The following EVL variants were observed in gnomAD, a reference collection of about 807,000 sequenced individuals.
EVL encodes Enah/Vasp-like.
In EVL, 21 loss-of-function variants were observed where a neutral mutation model predicts 59.6. That is an observed-to-expected ratio of 0.35 (90% confidence interval 0.25 to 0.51). The LOEUF (loss-of-function observed/expected upper bound fraction) is 0.51. EVL is among the 20% of genes least tolerant of loss of function. The pLI is 0.97. For missense variants in EVL, 462 were observed against 546.6 expected, an observed-to-expected ratio of 0.85 and a Z score of 1.54; for synonymous variants, 198 against 203.5, an observed-to-expected ratio of 0.97 and a Z score of 0.23.
chr14:99,990,888 T>C (rs1209779682), intron 1 of EVL, among the ~76,000 whole-genome samples: 1 of 152,134 alleles, frequency 6.6e-6, no homozygotes, highest in African/African-American at 2.4e-5. Context: ...GTTCTGGATA[T>C]ATATATAGAG....
At chr14:100,080,358 C>T (rs1008201425) in intron 1 of EVL, among the ~76,000 whole-genome samples, 21 of 152,176 alleles carry the variant, frequency 1.4e-4, no homozygotes, top group Non-Finnish European at 2.9e-4. Flanking sequence ...GCTGAAGCAG[C>T]GACAGGACAA....
At chr14:100,081,976 T>G (rs1204879117) in intron 1 of EVL, among the ~76,000 whole-genome samples, 1 of 152,176 alleles carries the variant, frequency 6.6e-6, no homozygotes, top group Non-Finnish European at 1.5e-5. Flanking sequence ...TTTAAAAGAT[T>G]AGCCAGGCGT....
intron 1 of EVL, among the ~76,000 whole-genome samples, chr14:100,013,019 A>C (rs2061026452): frequency 2.0e-5 from 3 of 152,202 alleles, no homozygotes; most frequent in African/African-American, 7.2e-5. Flanking sequence ...GTTATTACTT[A>C]GATTGTGTGT....
chr14:100,050,357 A>T (rs56067711), intron 1 of EVL, among the ~76,000 whole-genome samples: 860 of 37,840 alleles, frequency 0.023, 8 homozygotes, highest in African/African-American at 0.046. Flanking sequence ...TTATTTATTT[A>T]TTTATTTTTT....
rs374127022 is a variant in EVL at position 99,981,589 on chromosome 14, A to G, written c.5+9532A>G. The stretch of plus-strand genomic sequence containing the variant: ...TGCAGTAGACTTACCCTGGAGATAC[A>G]GTGGGTGCACAATAAAGCAGTAAAG... On this transcript the variant is annotated intron_variant, in intron 1 of 13. Coordinates refer to the EVL transcript ENST00000402714. Among the ~76,000 whole-genome samples the G allele has an allele frequency of 1.4e-4, 22 of 152,304 alleles. No homozygotes were observed. The East Asian group carries it at 3.9e-3, about 27-fold the overall frequency.
In EVL at chr14:100,059,042, A is replaced by C. The variant is rs772988293; in HGVS notation, c.6-25645A>C. ...TTAGGCTAGCATCTTCAGAAAATGA[A>C]AAAGAATACCCTTTGGTAGTTTAAT... On this transcript the variant is annotated intron_variant, in intron 1 of 13. Coordinates refer to the EVL transcript ENST00000402714. 2.6e-4 allele frequency among the ~76,000 whole-genome samples: 40 copies of C among 152,230 alleles called. 1 individual carries two copies. Among genetic ancestry groups the C allele is most frequent in the Admixed American group, 6.5e-5 (1 of 15,286 alleles).
At chr14:100,049,302 A>G (rs1482901478) in intron 1 of EVL, among the ~76,000 whole-genome samples, 1 of 152,240 alleles carries the variant, frequency 6.6e-6, no homozygotes, top group Admixed American at 6.5e-5. Flanking sequence ...GGTCAAGTTC[A>G]TAGGCTTGCC....
At chr14:100,060,456 A>G (rs2061807642), upstream of EVL, among the ~76,000 whole-genome samples, 1 of 151,560 alleles carries the variant, frequency 6.6e-6, no homozygotes, top group Admixed American at 6.6e-5. Context: ...AAACTTGCCC[A>G]GTGAAAATTC....
intron 1 of EVL, among the ~76,000 whole-genome samples, chr14:100,011,057 T>G (rs919749710): frequency 4.6e-5 from 7 of 152,236 alleles, no homozygotes; most frequent in African/African-American, 1.4e-4. Context: ...TTGAAGATTT[T>G]TATAAAGAAC....
intron 1 of EVL, among the ~76,000 whole-genome samples, chr14:100,055,993 G>C (rs1308066485): frequency 6.6e-6 from 1 of 151,868 alleles, no homozygotes; most frequent in Non-Finnish European, 1.5e-5. Flanking sequence ...TGTATTTTTA[G>C]TAGAGACAAG....
chr14:100,035,476 CTAATT>C (rs1479243723), intron 1 of EVL, among the ~76,000 whole-genome samples: 1 of 151,098 alleles, frequency 6.6e-6, no homozygotes, highest in African/African-American at 2.4e-5. Flanking sequence ...AAGTCTAGCT[CTAATT>C]TATTAAGAAT....
chr14:100,130,998 C>T lies in EVL; in HGVS notation c.839+1314C>T, dbSNP rs942330999. ...GGGAGGGCTCGCAGAACGATGAGGA[C>T]GTCCCGTGCTGTAAGAGGGACAGTG... On this transcript the variant is annotated intron_variant, in intron 7 of 13. Coordinates refer to ENST00000392920, the MANE Select transcript of EVL (RefSeq NM_016337.3). This position sits in a 1 kb window ranked among gnomAD's most constrained non-coding sequence, Gnocchi z 4.8. 2.6e-5 allele frequency among the ~76,000 whole-genome samples: 4 copies of T among 152,160 alleles called. No individual in the cohort carries two copies. The highest frequency in any genetic ancestry group is 7.2e-5 in the African/African-American group (3 of 41,430).
At chr14:100,013,117 T>C (rs2061027234) in intron 1 of EVL, among the ~76,000 whole-genome samples, 1 of 151,466 alleles carries the variant, frequency 6.6e-6, no homozygotes, top group African/African-American at 2.4e-5. Flanking sequence ...AGGGACTGTC[T>C]TTGAGGTTGT....
At chr14:99,988,065 C>T (rs2060850892) in intron 1 of EVL, among the ~76,000 whole-genome samples, 1 of 151,918 alleles carries the variant, frequency 6.6e-6, no homozygotes, top group African/African-American at 2.4e-5. Flanking sequence ...CAGGCATGCA[C>T]CACCACACCC....
At chr14:100,135,542 G>GGA (rs1888726240) in intron 8 of EVL, 1 of 247,500 alleles carries the variant, frequency 4.0e-6, no homozygotes, top group Non-Finnish European at 8.0e-6. Context: ...CTGCACAGGG[G>GGA]GAGCAGGCCA....
chr14:100,013,341 G>C (rs1465370435), intron 1 of EVL, among the ~76,000 whole-genome samples: 4 of 152,246 alleles, frequency 2.6e-5, no homozygotes. Context: ...AACTCGATGG[G>C]TTTTTGAGGC....
intron 1 of EVL, among the ~76,000 whole-genome samples, chr14:100,016,675 G>T (rs531832177): frequency 2.4e-4 from 36 of 152,342 alleles, no homozygotes; most frequent in African/African-American, 8.7e-4. Context: ...GAGTGGAGTT[G>T]TCAGGAGTCA....
intron 1 of EVL, among the ~76,000 whole-genome samples, chr14:100,038,969 C>T (rs1283582953): frequency 6.6e-6 from 1 of 152,110 alleles, no homozygotes. Context: ...TTTCCTTCTG[C>T]AGCCATGACC....
intron 11 of EVL, chr14:100,138,111 C>G: frequency 8.3e-6 from 4 of 482,916 alleles, no homozygotes; most frequent in Non-Finnish European, 1.5e-5. Flanking sequence ...GTTAGGGGAC[C>G]TCTCCAAGCC....
Sources: gnomAD v4.1 joint callset for allele counts (sites outside exome capture counted in the v4.1 genomes callset) on GRCh38, gnomAD v4.1.1 for gene constraint, Gnocchi (gnomAD v3.1) non-coding constraint, MANE v1.5 for transcripts, NCBI Gene and HGNC (gene_info 2026-07-23, HGNC 2026-07-21) for gene names.